PPP3CA: variants seen among roughly 807,000 people sequenced by gnomAD.
The protein encoded by PPP3CA is protein phosphatase 3 catalytic subunit alpha.
Under a neutral mutation model 66.5 loss-of-function variants are expected in PPP3CA, and 14 were observed. That is an observed-to-expected ratio of 0.21 (90% confidence interval 0.14 to 0.33). The LOEUF (loss-of-function observed/expected upper bound fraction) is 0.33, where lower values mean the gene tolerates loss of function less well. PPP3CA is among the 10% of genes least tolerant of loss of function. PPP3CA has a pLI of 1.00. For synonymous variants in PPP3CA, 232 were observed against 226.2 expected (o/e 1.03, Z -0.23); for missense variants, 317 against 639.5 (o/e 0.50, Z 5.44).
intron 6 of PPP3CA, 21 bp downstream of exon 6, chr4:101,093,755 G>T (rs1207320418): frequency 6.3e-7 from 1 of 1,579,044 alleles, no homozygotes; most frequent in Non-Finnish European, 8.6e-7. Flanking sequence ...GTGTTCCAGA[G>T]AGCAAGTTCT....
intron 2 of PPP3CA, among the ~76,000 whole-genome samples, chr4:101,192,873 C>T (rs1001048080): frequency 6.6e-6 from 1 of 152,254 alleles, no homozygotes; most frequent in Non-Finnish European, 1.5e-5. Context: ...GTTTTATCAT[C>T]CATAGCCATA....
At chr4:101,094,015 C>A in intron 5 of PPP3CA, 100 bp from the exon 6 acceptor site, 1 of 1,107,432 alleles carries the variant, frequency 9.0e-7, no homozygotes, top group Non-Finnish European at 1.2e-6. Flanking sequence ...ATCCTCTTCT[C>A]CCCAGCTACA....
At chr4:101,148,028 C>T (rs887367801) in intron 2 of PPP3CA, among the ~76,000 whole-genome samples, 9 of 152,048 alleles carry the variant, frequency 5.9e-5, no homozygotes, top group Non-Finnish European at 1.2e-4. Context: ...TAACAATTCC[C>T]TCTCAAAATG....
At chr4:101,045,252 T>C (rs1265497400) in intron 10 of PPP3CA, among the ~76,000 whole-genome samples, 1 of 152,174 alleles carries the variant, frequency 6.6e-6, no homozygotes, top group Non-Finnish European at 1.5e-5. Context: ...ACAACAACAA[T>C]AGACCGTGAC....
intron 1 of PPP3CA, among the ~76,000 whole-genome samples, chr4:101,196,890 G>C (rs1724811723): frequency 6.6e-6 from 1 of 152,164 alleles, no homozygotes; most frequent in African/African-American, 2.4e-5. Context: ...ACATTTGTGA[G>C]TACATTCATT....
At chr4:101,126,262 G>T (rs1029573820) in intron 2 of PPP3CA, among the ~76,000 whole-genome samples, 1 of 152,150 alleles carries the variant, frequency 6.6e-6, no homozygotes, top group African/African-American at 2.4e-5. Context: ...CTCTGAATAT[G>T]GCAGTAGTTT....
intron 11 of PPP3CA, among the ~76,000 whole-genome samples, chr4:101,039,939 TTTG>T (rs1218198439): frequency 9.0e-6 from 1 of 110,572 alleles, no homozygotes; most frequent in Non-Finnish European, 2.2e-5. Context: ...CAAGAAAATA[TTTG>T]TTTTCTAAAT....
intron 1 of PPP3CA, among the ~76,000 whole-genome samples, chr4:101,198,740 T>C (rs960598879): frequency 5.9e-5 from 9 of 152,298 alleles, no homozygotes. Flanking sequence ...TCCAAGTCCC[T>C]AGACTCCATC....
At chr4:101,109,908 A>T (rs1007779884) in intron 2 of PPP3CA, among the ~76,000 whole-genome samples, 1 of 152,140 alleles carries the variant, frequency 6.6e-6, no homozygotes, top group Non-Finnish European at 1.5e-5. Context: ...TCTAAAAATA[A>T]TATTTTTATC....
rs143874085 is a variant in PPP3CA, at chr4:101,203,327, T to A, written c.59-7211A>T. Among the ~76,000 whole-genome samples, 359 of 152,178 alleles carry A rather than the reference T, an allele frequency of 2.4e-3. 1 individual carries two copies. The highest frequency in any genetic ancestry group is 8.4e-3 in the African/African-American group (348 of 41,498). ...CTGGCCAATATGGTAAAACCCTGTC[T>A]CTACTGAAAATACAAAAATTAGCTG... On this transcript the variant is annotated intron_variant, in intron 1 of 13. Coordinates refer to ENST00000394854, the MANE Select transcript of PPP3CA (RefSeq NM_000944.5).
chr4:101,343,203 T>C (rs1426676853), intron 1 of PPP3CA, among the ~76,000 whole-genome samples: 2 of 152,160 alleles, frequency 1.3e-5, no homozygotes, highest in Non-Finnish European at 2.9e-5. Flanking sequence ...CATCACAAAA[T>C]ACTTGGAGAT....
chr4:101,338,166 A>ATAC (rs1729695756), intron 1 of PPP3CA, among the ~76,000 whole-genome samples: 2 of 152,170 alleles, frequency 1.3e-5, no homozygotes, highest in Admixed American at 1.3e-4. Context: ...AAATCAACCT[A>ATAC]TACACCTTGT....
intron 1 of PPP3CA, among the ~76,000 whole-genome samples, chr4:101,254,557 A>C (rs1726779807): frequency 6.6e-6 from 1 of 151,948 alleles, no homozygotes; most frequent in African/African-American, 2.4e-5. Flanking sequence ...ATAAAAATTA[A>C]ATAATTTGTA....
chr4:101,093,479 T>G (rs535484654), intron 6 of PPP3CA, among the ~76,000 whole-genome samples: 2 of 152,232 alleles, frequency 1.3e-5, no homozygotes, highest in East Asian at 3.9e-4. Flanking sequence ...AACTTCTATA[T>G]GCACTGGGAA....
At chr4:101,194,902 G>A (rs943399337) in intron 2 of PPP3CA, among the ~76,000 whole-genome samples, 1 of 151,594 alleles carries the variant, frequency 6.6e-6, no homozygotes, top group African/African-American at 2.4e-5. Context: ...AATTTTTATG[G>A]CCTAAGAGAA....
chr4:101,241,060 T>A (rs193199898), intron 1 of PPP3CA, among the ~76,000 whole-genome samples: 1 of 152,018 alleles, frequency 6.6e-6, no homozygotes, highest in East Asian at 1.9e-4. Flanking sequence ...AGAGACAGCG[T>A]CTCCCTATGT....
At chr4:101,327,654 A>T (rs1416021959) in intron 1 of PPP3CA, among the ~76,000 whole-genome samples, 1 of 152,200 alleles carries the variant, frequency 6.6e-6, no homozygotes, top group East Asian at 1.9e-4. Context: ...TACTTATAAC[A>T]TTCAAATTAG....
intron 1 of PPP3CA, among the ~76,000 whole-genome samples, chr4:101,345,948 G>T (rs1346649863): frequency 1.3e-5 from 2 of 152,212 alleles, no homozygotes; most frequent in Non-Finnish European, 2.9e-5. Context: ...GTCGGCGGGG[G>T]ACAGCCGGGG....
intron 3 of PPP3CA, among the ~76,000 whole-genome samples, chr4:101,106,132 G>A (rs893282626): frequency 1.3e-5 from 2 of 151,818 alleles, no homozygotes; most frequent in Admixed American, 6.6e-5. Context: ...AGACCAGCCT[G>A]GGCAACTTCG....
Sources: allele counts gnomAD v4.1 joint callset (sites outside exome capture counted in the v4.1 genomes callset), GRCh38; gene constraint gnomAD v4.1.1; transcripts MANE v1.5; gene names NCBI Gene and HGNC (gene_info 2026-07-23, HGNC 2026-07-21).